Variants in BBS9 observed in about 807,000 individuals in gnomAD.
The protein encoded by BBS9 is protein PTHB1.
A neutral mutation model predicts 117.7 loss-of-function variants in BBS9; 89 were observed. That is an observed-to-expected ratio of 0.76 (90% CI 0.64 to 0.90). The LOEUF is 0.90. Ranked by LOEUF, BBS9 falls within the 40% of genes least tolerant of loss-of-function variation. BBS9 has a pLI of 0.00. For synonymous variants in BBS9, 379 were observed against 370.9 expected (o/e 1.02, Z -0.25); for missense variants, 982 against 1,042.2 (o/e 0.94, Z 0.80).
intron 20 of BBS9, among the ~76,000 whole-genome samples, chr7:33,515,886 A>C (rs150826646): frequency 6.6e-6 from 1 of 152,366 alleles, no homozygotes; most frequent in Non-Finnish European, 1.5e-5. Context: ...TGCCTCACTC[A>C]GTTCAACTTT....
At chr7:33,325,476 C>G (rs1202728679) in intron 9 of BBS9, among the ~76,000 whole-genome samples, 1 of 152,158 alleles carries the variant, frequency 6.6e-6, no homozygotes, top group Non-Finnish European at 1.5e-5. Context: ...GGGATTAGAT[C>G]CTTGTGCCTT....
chr7:33,366,705 C>T (rs948376802), intron 16 of BBS9, among the ~76,000 whole-genome samples: 5 of 151,890 alleles, frequency 3.3e-5, no homozygotes, highest in South Asian at 2.1e-4. Context: ...CCACCACACC[C>T]GGCTAATATT....
At chr7:33,583,070 T>A (rs1860265469) in intron 21 of BBS9, among the ~76,000 whole-genome samples, 2 of 152,280 alleles carry the variant, frequency 1.3e-5, no homozygotes, top group African/African-American at 4.8e-5. Flanking sequence ...AAAACAGAAT[T>A]CTATTTTTTC....
At position 33,605,343 on chromosome 7, in the gene BBS9, C is replaced by T. The variant is rs1319096112; in HGVS notation, c.*117C>T. 3.8e-6 allele frequency: 4 copies of T among 1,052,438 alleles called. No homozygotes were observed. The African/African-American group carries it at 6.3e-5, about 17-fold the overall frequency. 65.2% of individuals were successfully genotyped at this position (1,052,438 alleles called of 1,614,324 possible). ...CAGGTGCTTCCTAAAGCTCACCTTC[C>T]TGGAGATGACATGCATAGAAAGAGG... On this transcript the variant is annotated 3_prime_UTR_variant, in exon 23 of 23. Coordinates refer to ENST00000242067, the MANE Select transcript of BBS9 (RefSeq NM_198428.3).
rs1332482428 is a variant in BBS9, at chr7:33,566,704, G to C, written c.2521+32528G>C. On this transcript the variant is annotated intron_variant, in intron 21 of 22. Transcript: ENST00000242067. ...CAAGGTGAATTAGTTAGTCATTACT[G>C]TATGTATACAGTGCATTTTTGCCAA... 6.6e-5 allele frequency among the ~76,000 whole-genome samples: 10 copies of C among 151,896 alleles called. No homozygotes were observed. In the East Asian group the frequency reaches 1.9e-3, roughly 29 times the overall value.
chr7:33,357,991 C>T lies in BBS9; in HGVS notation c.1689C>T (p.Phe563=). ...NKSPVSLLSL[F]PGFASQSDDD... ...CTCCAGTCAGTCTTCTTAGTCTCTT[C>T]CCAGGTAAGACTGTTGAAATAACAT... is the stretch of plus-strand genomic sequence containing the variant. Residue 563 remains phenylalanine, a synonymous_variant, in exon 16 of 23, where the codon TTC becomes TTT. Transcript: ENST00000242067. 1 of 1,611,938 alleles carries T rather than the reference C, an allele frequency of 6.2e-7. No individual in the cohort carries two copies. Among genetic ancestry groups the T allele is most frequent in the East Asian group, 2.2e-5 (1 of 44,806 alleles).
intron 19 of BBS9, among the ~76,000 whole-genome samples, chr7:33,454,937 G>A (rs1838421113): frequency 6.6e-6 from 1 of 152,176 alleles, no homozygotes; most frequent in African/African-American, 2.4e-5. Flanking sequence ...CAAGGCAAAC[G>A]TTTATCTTTC....
chr7:33,180,665 T>A (rs560042852), intron 5 of BBS9, among the ~76,000 whole-genome samples: 2 of 152,316 alleles, frequency 1.3e-5, no homozygotes, highest in South Asian at 4.1e-4. Context: ...GAGAAAATTC[T>A]TTGAGCACTA....
intron 19 of BBS9, among the ~76,000 whole-genome samples, chr7:33,447,335 T>C (rs1431880707): frequency 1.3e-5 from 2 of 152,154 alleles, no homozygotes; most frequent in Non-Finnish European, 2.9e-5. Flanking sequence ...GAAATAGATG[T>C]CAGAGGAAGA....
intron 16 of BBS9, 37 bp from the exon 17 acceptor site, chr7:33,367,730 C>A: frequency 6.3e-7 from 1 of 1,584,850 alleles, no homozygotes; most frequent in African/African-American, 1.3e-5. Flanking sequence ...ATTTTGCCTT[C>A]TGGTTACATA....
intron 19 of BBS9, among the ~76,000 whole-genome samples, chr7:33,493,155 C>G (rs535545165): frequency 6.6e-6 from 1 of 151,984 alleles, no homozygotes. Flanking sequence ...CCACTATGCC[C>G]GGCTAATTTT....
chr7:33,222,919 C>CTCCA (rs1036099698), intron 5 of BBS9, among the ~76,000 whole-genome samples: 1 of 151,024 alleles, frequency 6.6e-6, no homozygotes, highest in African/African-American at 2.4e-5. Flanking sequence ...CGCCACTGTA[C>CTCCA]TCCAGCCTGG....
rs1430876761 is a variant in BBS9 at position 33,524,586 on chromosome 7, G to A, written c.2299-9368G>A. On this transcript the variant is annotated intron_variant, in intron 20 of 22. Coordinates refer to ENST00000242067, the MANE Select transcript of BBS9 (RefSeq NM_198428.3). ...TGGTAGTTTGCATTTCTGTGGGATC[G>A]GTGGTGATATCCCCTTTATCATTTT... Among the ~76,000 whole-genome samples the A allele has an allele frequency of 5.3e-5, 8 of 152,118 alleles. No homozygotes were observed. In the East Asian group the frequency reaches 9.6e-4, roughly 18 times the overall value.
intron 1 of BBS9, among the ~76,000 whole-genome samples, chr7:33,138,397 A>G (rs1317150075): frequency 2.6e-5 from 4 of 151,296 alleles, no homozygotes; most frequent in African/African-American, 9.7e-5. Context: ...TTAGGCAATC[A>G]GGTATCAGTT....
At chr7:33,203,536 T>C (rs1786294249) in intron 5 of BBS9, among the ~76,000 whole-genome samples, 2 of 152,088 alleles carry the variant, frequency 1.3e-5, no homozygotes, top group African/African-American at 4.8e-5. Context: ...AAATTCAGAT[T>C]TGAGAAGTTT....
intron 19 of BBS9, among the ~76,000 whole-genome samples, chr7:33,501,173 C>T (rs909087846): frequency 2.7e-4 from 41 of 152,180 alleles, no homozygotes; most frequent in African/African-American, 8.4e-4. Flanking sequence ...AGGTGAGCAG[C>T]GAGATCTTCT....
At chr7:33,249,253 G>A (rs901264548) in intron 5 of BBS9, among the ~76,000 whole-genome samples, 30 of 117,688 alleles carry the variant, frequency 2.5e-4, no homozygotes, top group South Asian at 2.1e-3. Flanking sequence ...ACACACACAC[G>A]CGTACACTCC....
chr7:33,344,774 G>A (rs1174049046), intron 12 of BBS9, 140 bp downstream of exon 12: 9 of 842,646 alleles, frequency 1.1e-5, no homozygotes, highest in Non-Finnish European at 1.8e-5. Flanking sequence ...CCAGCCTTGA[G>A]TAGTGAATAG....
At chr7:33,488,067 A>G (rs534365602) in intron 19 of BBS9, among the ~76,000 whole-genome samples, 2 of 152,294 alleles carry the variant, frequency 1.3e-5, no homozygotes, top group East Asian at 1.9e-4. Context: ...CTCTGATCCC[A>G]TTTTATGGAG....
Sources: gnomAD v4.1 joint callset for allele counts (sites outside exome capture counted in the v4.1 genomes callset) on GRCh38, gnomAD v4.1.1 for gene constraint, MANE v1.5 for transcripts, NCBI Gene and HGNC (gene_info 2026-07-23, HGNC 2026-07-21) for gene names.